SP4: variants seen among roughly 807,000 people sequenced by gnomAD.
SP4 encodes transcription factor Sp4.
SP4 carries 19 observed loss-of-function variants against 72.8 expected under a neutral mutation model. That is an observed-to-expected ratio of 0.26 (90% CI 0.18 to 0.38). SP4 has a LOEUF of 0.38. Among genes scored for constraint, SP4 ranks in the 10% least tolerant of loss-of-function variants. The pLI, the probability that SP4 is intolerant of heterozygous loss-of-function variation, is 1.00. For missense variants in SP4, 1,008 were observed against 926.3 expected, an observed-to-expected ratio of 1.09 and a Z score of -1.14; for synonymous variants, 395 against 333.1, an observed-to-expected ratio of 1.19 and a Z score of -2.02.
At chr7:21,432,952 TC>T (rs750579035) in intron 3 of SP4, among the ~76,000 whole-genome samples, 1 of 152,170 alleles carries the variant, frequency 6.6e-6, no homozygotes, top group Non-Finnish European at 1.5e-5. Context: ...TGTGATTGCC[TC>T]ACTGCACTCC....
intron 4 of SP4, among the ~76,000 whole-genome samples, chr7:21,480,066 A>G (rs1390182315): frequency 5.3e-5 from 8 of 152,040 alleles, no homozygotes; most frequent in Admixed American, 3.9e-4. Flanking sequence ...GTGAACAGAG[A>G]TAGTTTTTAC....
At chr7:21,477,741 A>C (rs1784549964) in intron 4 of SP4, among the ~76,000 whole-genome samples, 1 of 152,052 alleles carries the variant, frequency 6.6e-6, no homozygotes, top group South Asian at 2.1e-4. Context: ...GGGTTTCACC[A>C]TGTGGGCCAG....
intron 5 of SP4, among the ~76,000 whole-genome samples, chr7:21,487,410 GTTTT>G (rs200086841): frequency 8.0e-6 from 1 of 124,454 alleles, no homozygotes. Flanking sequence ...AATCTCTAGG[GTTTT>G]TTTTTTTTTT....
At chr7:21,501,520 T>C (rs949157342) in intron 5 of SP4, among the ~76,000 whole-genome samples, 1 of 152,230 alleles carries the variant, frequency 6.6e-6, no homozygotes, top group African/African-American at 2.4e-5. Context: ...AATAGCTGTT[T>C]TAATCTCTGT....
chr7:21,484,398 G>A (rs1444495988), intron 5 of SP4, among the ~76,000 whole-genome samples: 2 of 151,834 alleles, frequency 1.3e-5, no homozygotes, highest in African/African-American at 4.8e-5. Context: ...GTGGGATCGT[G>A]TCAACACTCA....
At chr7:21,467,868 C>T (rs1307304030) in intron 3 of SP4, among the ~76,000 whole-genome samples, 1 of 152,024 alleles carries the variant, frequency 6.6e-6, no homozygotes, top group Non-Finnish European at 1.5e-5. Flanking sequence ...ATTAGAAAAC[C>T]TTGTTCCCTA....
chr7:21,479,264 G>GT (rs57884512), intron 4 of SP4, among the ~76,000 whole-genome samples: 18,703 of 139,496 alleles, frequency 0.13, 2,341 homozygotes, highest in East Asian at 0.36. Context: ...ATTCCTAGTT[G>GT]TTTTTTTTTT....
intron 3 of SP4, among the ~76,000 whole-genome samples, chr7:21,437,829 G>A (rs764171054): frequency 4.6e-5 from 7 of 152,112 alleles, no homozygotes; most frequent in Admixed American, 1.3e-4. Context: ...AATATTGTGC[G>A]CAGTACCGGG....
At chr7:21,459,839 A>G (rs924819203) in intron 3 of SP4, among the ~76,000 whole-genome samples, 3 of 152,260 alleles carry the variant, frequency 2.0e-5, no homozygotes, top group Non-Finnish European at 2.9e-5. Flanking sequence ...TACTAAGTCT[A>G]AGCACAAGGC....
intron 5 of SP4, among the ~76,000 whole-genome samples, chr7:21,495,783 A>G (rs1781690824): frequency 6.6e-6 from 1 of 151,982 alleles, no homozygotes; most frequent in African/African-American, 2.4e-5. Flanking sequence ...GTTCACACAA[A>G]AAAAGCTGTG....
At chr7:21,475,806 C>A (rs1057148614) in intron 3 of SP4, among the ~76,000 whole-genome samples, 1 of 152,128 alleles carries the variant, frequency 6.6e-6, no homozygotes, top group African/African-American at 2.4e-5. Flanking sequence ...TGAGCAATTC[C>A]GTGCCAGCAC....
rs902262123 is a variant in SP4 at position 21,511,775 on chromosome 7, C to T, written c.*506C>T. ...GAAAATCAACCGAAAATAGTTTGGC[C>T]GTCTTTTCTAAATGTTAGAAATTCT... On this transcript the variant is annotated 3_prime_UTR_variant, in exon 6 of 6. Coordinates refer to ENST00000222584, the MANE Select transcript of SP4 (RefSeq NM_003112.5). 4 of 154,310 alleles carry T rather than the reference C, an allele frequency of 2.6e-5. No homozygotes were observed. The highest frequency in any genetic ancestry group is 9.7e-5 in the African/African-American group (4 of 41,400). 9.6% of individuals were successfully genotyped at this position (154,310 alleles called of 1,614,324 possible).
At chr7:21,481,072 A>C (rs904216517) in intron 4 of SP4, among the ~76,000 whole-genome samples, 2 of 152,104 alleles carry the variant, frequency 1.3e-5, no homozygotes, top group Non-Finnish European at 2.9e-5. Context: ...TAGAACTTTG[A>C]CTTTATGAAC....
At position 21,428,157 on chromosome 7, in the gene SP4, G is replaced by T; in HGVS notation, c.-95G>T. 1.3e-6 allele frequency: 1 copy of T among 754,516 alleles called. No individual in the cohort carries two copies. 46.7% of individuals were successfully genotyped at this position (754,516 alleles called of 1,614,324 possible). The stretch of plus-strand genomic sequence containing the variant: ...CTACAGCCTCCTCCGAGCCACCGCG[G>T]GCGGGCGGGACCGGCCTCTCCTCCC... On this transcript the variant is annotated 5_prime_UTR_variant, in exon 1 of 6. Coordinates refer to ENST00000222584, the MANE Select transcript of SP4 (RefSeq NM_003112.5).
chr7:21,468,057 A>C (rs545188333), intron 3 of SP4, among the ~76,000 whole-genome samples: 5 of 152,094 alleles, frequency 3.3e-5, no homozygotes, highest in African/African-American at 1.2e-4. Context: ...GTTACTTACT[A>C]TTTACTATAA....
chr7:21,511,219 G>T lies in SP4; in HGVS notation c.2305G>T (p.Asp769Tyr), dbSNP rs1218476894. 3.7e-6 allele frequency: 6 copies of T among 1,614,028 alleles called. No individual in the cohort carries two copies. The highest frequency in any genetic ancestry group is 5.1e-6 in the Non-Finnish European group (6 of 1,180,012). Residue 769 changes from aspartate to tyrosine, a missense_variant, in exon 6 of 6, where the codon GAT (aspartate) becomes TAT (tyrosine). Around this residue, in one of 3 missense-constraint regions of SP4, gnomAD observed 67 missense variants for 66.1 expected, o/e 1.01. Coordinates refer to ENST00000222584, the MANE Select transcript of SP4 (RefSeq NM_003112.5). ...RIVTVAAISQ[D>Y]SNPATPNVST... ...TGTCACAGTTGCAGCCATTTCTCAA[G>T]ATTCGAATCCAGCAACTCCCAATGT...
In SP4 at chr7:21,429,818, A is replaced by G. The variant is rs750086686; in HGVS notation, c.653A>G (p.Asn218Ser). ...GCTGCTAACAGGACAGCTTCTGGGA[A>G]TATTCTTGCTCAAAACCTGGCAAAT... ...LTAANRTASG[N>S]ILAQNLANQT... The change falls in exon 3 of 6, where the codon AAT becomes AGT. Residue 218 changes from asparagine to serine, a missense_variant. Asn to Ser is a conservative substitution (Grantham distance 46). Coordinates refer to ENST00000222584, the MANE Select transcript of SP4 (RefSeq NM_003112.5). 43 of 1,614,104 alleles carry G rather than the reference A, an allele frequency of 2.7e-5. No homozygotes were observed. Among genetic ancestry groups the G allele is most frequent in the Non-Finnish European group, 3.4e-5 (40 of 1,180,050 alleles).
intron 3 of SP4, among the ~76,000 whole-genome samples, chr7:21,455,857 T>A (rs982998144): frequency 6.6e-6 from 1 of 152,198 alleles, no homozygotes; most frequent in Non-Finnish European, 1.5e-5. Context: ...AAAATGATGA[T>A]CTCTTTTCTC....
chr7:21,474,254 G>T (rs536446727), intron 3 of SP4, among the ~76,000 whole-genome samples: 1 of 151,880 alleles, frequency 6.6e-6, no homozygotes. Context: ...ATATTATTGC[G>T]ACCTTTAAAG....
Sources: gnomAD v4.1 joint callset for allele counts (sites outside exome capture counted in the v4.1 genomes callset) on GRCh38, gnomAD v4.1.1 for gene constraint, gnomAD v4.1.1 regional missense constraint, MANE v1.5 for transcripts, NCBI Gene and HGNC (gene_info 2026-07-23, HGNC 2026-07-21) for gene names.